The following EYA1 variants were observed in gnomAD, a reference collection of about 807,000 sequenced individuals.
The protein encoded by EYA1 is protein phosphatase EYA1.
Under a neutral mutation model 82.0 loss-of-function variants are expected in EYA1, and 16 were observed. That is an observed-to-expected ratio of 0.20 (90% CI 0.13 to 0.30). The LOEUF (loss-of-function observed/expected upper bound fraction) is 0.30. Among genes scored for constraint, EYA1 ranks in the 10% least tolerant of loss-of-function variants. The pLI is 1.00. For synonymous variants in EYA1, 261 were observed against 264.4 expected, an observed-to-expected ratio of 0.99 and a Z score of 0.12; for missense variants, 633 against 730.7, an observed-to-expected ratio of 0.87 and a Z score of 1.54.
chr8:71,217,129 G>T, intron 12 of EYA1, 106 bp from the exon 13 acceptor site: 1 of 843,388 alleles, frequency 1.2e-6, no homozygotes, highest in Non-Finnish European at 2.0e-6. Flanking sequence ...TTAATTGGAG[G>T]ATTTTTCAAC....
At chr8:71,376,960 C>T (rs1828410731) in intron 2 of EYA1, among the ~76,000 whole-genome samples, 1 of 152,100 alleles carries the variant, frequency 6.6e-6, no homozygotes, top group Non-Finnish European at 1.5e-5. Context: ...TGTGTATATG[C>T]TCACATGTCT....
chr8:71,199,894 T>G (rs1806736009), intron 17 of EYA1: 1 of 172,130 alleles, frequency 5.8e-6, no homozygotes, highest in Admixed American at 5.6e-5. Context: ...TTCCCTCAGT[T>G]ATTCTTCATA....
chr8:71,338,045 C>T (rs1227207903), intron 3 of EYA1, among the ~76,000 whole-genome samples: 1 of 152,206 alleles, frequency 6.6e-6, no homozygotes, highest in Non-Finnish European at 1.5e-5. Flanking sequence ...GTCACTCTAT[C>T]ACTATAGTGT....
intron 2 of EYA1, among the ~76,000 whole-genome samples, chr8:71,471,905 CA>C (rs1052421013): frequency 1.3e-5 from 2 of 151,992 alleles, no homozygotes; most frequent in Admixed American, 1.3e-4. Flanking sequence ...ATAAACTAGC[CA>C]TTTAAACTGA....
chr8:71,275,372 G>A (rs901582477), intron 9 of EYA1, among the ~76,000 whole-genome samples: 3 of 152,172 alleles, frequency 2.0e-5, no homozygotes, highest in Non-Finnish European at 4.4e-5. Context: ...GTATAGGTGA[G>A]AATTCAGTTC....
intron 9 of EYA1, among the ~76,000 whole-genome samples, chr8:71,287,462 T>A (rs1283397143): frequency 6.6e-6 from 1 of 152,164 alleles, no homozygotes; most frequent in Admixed American, 6.5e-5. Context: ...GGTAAATTAA[T>A]TCATTAGTCA....
chr8:71,479,623 G>GAAA (rs34377404), intron 2 of EYA1, among the ~76,000 whole-genome samples: 3 of 100,196 alleles, frequency 3.0e-5, no homozygotes, highest in East Asian at 3.2e-4. Flanking sequence ...CTTTCTTTAT[G>GAAA]AAAAAAAAAA....
rs75358426 is a variant in EYA1 at position 71,203,854 on chromosome 8, T to C, written c.1699-4434A>G. Among the ~76,000 whole-genome samples the C allele has an allele frequency of 4.7e-4, 72 of 152,198 alleles. No individual in the cohort carries two copies. In the East Asian group the frequency reaches 0.012, roughly 26 times the overall value. ...GTGGGTGTAATAGATGCAAGACATA[T>C]TGTGAAGAGAGTTCATGTGACTCAG... On this transcript the variant is annotated intron_variant, in intron 17 of 17. Transcript: ENST00000340726.
chr8:71,398,539 G>A (rs1298867864), intron 2 of EYA1, among the ~76,000 whole-genome samples: 1 of 152,190 alleles, frequency 6.6e-6, no homozygotes. Flanking sequence ...CTGCAGGTCT[G>A]TTGGAGTTTA....
chr8:71,297,199 A>T (rs1431247498), intron 9 of EYA1, among the ~76,000 whole-genome samples: 1 of 152,168 alleles, frequency 6.6e-6, no homozygotes, highest in Non-Finnish European at 1.5e-5. Context: ...TTCACTCTTA[A>T]AACCATGGAC....
At chr8:71,245,535 ATT>A (rs71264548) in intron 11 of EYA1, among the ~76,000 whole-genome samples, 105 of 145,658 alleles carry the variant, frequency 7.2e-4, no homozygotes, top group African/African-American at 1.3e-3. Context: ...CTAAGTGATG[ATT>A]TTTTTTTTTT....
chr8:71,437,566 T>G (rs538908037), intron 2 of EYA1, among the ~76,000 whole-genome samples: 20 of 152,196 alleles, frequency 1.3e-4, no homozygotes, highest in Admixed American at 1.3e-3. Context: ...TATATTATTA[T>G]TATTACTTTT....
intron 11 of EYA1, among the ~76,000 whole-genome samples, chr8:71,266,857 G>A (rs1028690721): frequency 6.6e-6 from 1 of 151,976 alleles, no homozygotes; most frequent in African/African-American, 2.4e-5. Context: ...ACAAATATAC[G>A]ACTATTTTCT....
chr8:71,529,035 G>T (rs1814045134), intron 2 of EYA1, among the ~76,000 whole-genome samples: 3 of 152,034 alleles, frequency 2.0e-5, no homozygotes, highest in Admixed American at 2.0e-4. Context: ...TTCATCCTGG[G>T]GACCCAGCAA....
intron 2 of EYA1, among the ~76,000 whole-genome samples, chr8:71,443,868 GA>G (rs1454931130): frequency 6.6e-6 from 1 of 152,152 alleles, no homozygotes; most frequent in East Asian, 1.9e-4. Flanking sequence ...ATAACATTAG[GA>G]AAGCTAAAGT....
intron 9 of EYA1, among the ~76,000 whole-genome samples, chr8:71,280,327 T>C (rs1817674439): frequency 6.6e-6 from 1 of 152,206 alleles, no homozygotes; most frequent in Non-Finnish European, 1.5e-5. Flanking sequence ...GAAATTCAGG[T>C]GAAAAGGTGA....
At chr8:71,497,537 G>C (rs1299486567) in intron 2 of EYA1, among the ~76,000 whole-genome samples, 1 of 152,002 alleles carries the variant, frequency 6.6e-6, no homozygotes, top group South Asian at 2.1e-4. Context: ...CCTCACACCT[G>C]TTAGAATGGC....
chr8:71,317,134 C>A (rs1234990619), intron 7 of EYA1, among the ~76,000 whole-genome samples: 2 of 152,164 alleles, frequency 1.3e-5, no homozygotes, highest in Non-Finnish European at 2.9e-5. Context: ...CCAAGCTTCA[C>A]TTCATAATGA....
rs562894246 is a variant in EYA1, at chr8:71,406,070, C to A, written c.34-49559G>T. Reference sequence around the variant, plus strand: ...ACAACCAGTGGCATATTCATATGTCCAAACTCAGCAAATTGTATCCACTAC... The same window carrying A: ...ACAACCAGTGGCATATTCATATGTCAAAACTCAGCAAATTGTATCCACTAC... On this transcript the variant is annotated intron_variant, in intron 2 of 18. Coordinates refer to the EYA1 transcript ENST00000643681. Among the ~76,000 whole-genome samples, 3 of 152,222 alleles carry A rather than the reference C, an allele frequency of 2.0e-5. No individual in the cohort carries two copies. In the East Asian group the frequency reaches 5.8e-4, roughly 29 times the overall value.
Sources: gnomAD v4.1 joint callset for allele counts (sites outside exome capture counted in the v4.1 genomes callset) on GRCh38, gnomAD v4.1.1 for gene constraint, MANE v1.5 for transcripts, NCBI Gene and HGNC (gene_info 2026-07-23, HGNC 2026-07-21) for gene names.